The following PPP1R17 variants were observed in gnomAD, a reference collection of about 807,000 sequenced individuals.
PPP1R17 encodes the protein G-substrate.
A neutral mutation model predicts 15.9 loss-of-function variants in PPP1R17; 12 were observed. That is an observed-to-expected ratio of 0.75 (90% confidence interval 0.48 to 1.22). The LOEUF is 1.22. PPP1R17 is among the 50% of genes most tolerant of loss of function. The probability of loss-of-function intolerance (pLI) is 0.00; values close to 1 mark genes in which losing one functional copy is unlikely to be tolerated. For synonymous variants in PPP1R17, 63 were observed against 64.5 expected (o/e 0.98, Z 0.11); for missense variants, 211 against 187.3 (o/e 1.13, Z -0.74).
intron 4 of PPP1R17, among the ~76,000 whole-genome samples, chr7:31,703,680 G>C (rs1169669294): frequency 6.6e-6 from 1 of 152,178 alleles, no homozygotes; most frequent in Non-Finnish European, 1.5e-5. Context: ...ATGTTCAGAA[G>C]GACTCACATT....
chr7:31,702,378 T>C (rs926858324), intron 4 of PPP1R17, among the ~76,000 whole-genome samples: 8 of 152,110 alleles, frequency 5.3e-5, no homozygotes, highest in Non-Finnish European at 1.2e-4. Context: ...CGGGGGAGGC[T>C]CTGAACTTCC....
intron 4 of PPP1R17, among the ~76,000 whole-genome samples, chr7:31,698,791 A>C (rs1792722095): frequency 6.6e-6 from 1 of 152,226 alleles, no homozygotes; most frequent in Non-Finnish European, 1.5e-5. Flanking sequence ...TTGCTTCTTT[A>C]GATTTCCAAG....
chr7:31,695,739 C>G (rs1792551655), intron 3 of PPP1R17, 118 bp downstream of exon 3: 1 of 983,228 alleles, frequency 1.0e-6, no homozygotes, highest in East Asian at 2.5e-5. Flanking sequence ...GTGCACTCCC[C>G]ACCTCTGTAT....
chr7:31,694,413 C>G (rs1350204985), intron 2 of PPP1R17, among the ~76,000 whole-genome samples: 3 of 151,826 alleles, frequency 2.0e-5, no homozygotes, highest in African/African-American at 4.8e-5. Flanking sequence ...CACACACACA[C>G]ACAGATTTAA....
At chr7:31,696,885 T>C (rs1792606338) in intron 3 of PPP1R17, 80 bp from the exon 4 acceptor site, 1 of 1,460,654 alleles carries the variant, frequency 6.8e-7, no homozygotes, top group Non-Finnish European at 9.3e-7. Context: ...TCACCAGATG[T>C]CTATAAATAT....
At chr7:31,706,520 T>G (rs1200276690) in intron 4 of PPP1R17, among the ~76,000 whole-genome samples, 1 of 152,182 alleles carries the variant, frequency 6.6e-6, no homozygotes, top group African/African-American at 2.4e-5. Flanking sequence ...TCAGTACACT[T>G]TCCTTATTTT....
intron 4 of PPP1R17, among the ~76,000 whole-genome samples, chr7:31,703,400 CA>C (rs1792934556): frequency 6.6e-6 from 1 of 152,052 alleles, no homozygotes; most frequent in Non-Finnish European, 1.5e-5. Flanking sequence ...CCTATTGAAT[CA>C]AAAATGTTTA....
At chr7:31,704,038 T>C (rs138483736) in intron 4 of PPP1R17, among the ~76,000 whole-genome samples, 223 of 152,272 alleles carry the variant, frequency 1.5e-3, no homozygotes, top group Middle Eastern at 3.4e-3. Context: ...AGAAGTCTTA[T>C]TAGAGGTTTG....
At chr7:31,703,570 A>C (rs1792943332) in intron 4 of PPP1R17, among the ~76,000 whole-genome samples, 1 of 152,236 alleles carries the variant, frequency 6.6e-6, no homozygotes, top group African/African-American at 2.4e-5. Flanking sequence ...TCATTACCAT[A>C]TTAGCTGAAG....
chr7:31,693,121 C>A (rs1268101765), intron 2 of PPP1R17, among the ~76,000 whole-genome samples: 1 of 152,140 alleles, frequency 6.6e-6, no homozygotes, highest in Non-Finnish European at 1.5e-5. Flanking sequence ...CTATGCCTCA[C>A]GTGGTTATGA....
chr7:31,702,203 A>ATTTTTTT (rs1464104354), intron 4 of PPP1R17, among the ~76,000 whole-genome samples: 46 of 125,346 alleles, frequency 3.7e-4, no homozygotes, highest in African/African-American at 1.4e-3. Context: ...TTTCACCCTT[A>ATTTTTTT]TTTATTTTTT....
At chr7:31,707,170 G>T (rs547669880) in intron 4 of PPP1R17, 34 bp from the exon 5 acceptor site, 3 of 1,583,356 alleles carry the variant, frequency 1.9e-6, no homozygotes, top group East Asian at 4.5e-5. Flanking sequence ...TTAATTAGAG[G>T]TACTTAATTG....
chr7:31,706,919 A>G (rs957868598), intron 4 of PPP1R17, among the ~76,000 whole-genome samples: 3 of 152,228 alleles, frequency 2.0e-5, no homozygotes, highest in Non-Finnish European at 2.9e-5. Flanking sequence ...CCATCCCGCC[A>G]TGCTGCAAGC....
chr7:31,692,664 A>T, intron 2 of PPP1R17, 141 bp downstream of exon 2: 1 of 703,064 alleles, frequency 1.4e-6, no homozygotes, highest in East Asian at 2.7e-5. Context: ...CCAACACCAG[A>T]TGGGCAGGCA....
chr7:31,697,616 C>T (rs1792653063), intron 4 of PPP1R17, among the ~76,000 whole-genome samples: 1 of 151,926 alleles, frequency 6.6e-6, no homozygotes, highest in African/African-American at 2.4e-5. Flanking sequence ...AAAGGAGCTG[C>T]TCTGTGAGAT....
At chr7:31,697,487 G>A (rs1389146830) in intron 4 of PPP1R17, among the ~76,000 whole-genome samples, 1 of 152,188 alleles carries the variant, frequency 6.6e-6, no homozygotes, top group East Asian at 1.9e-4. Flanking sequence ...TGGACTAATT[G>A]GCCAAATCCT....
chr7:31,698,667 A>G (rs566444672), intron 4 of PPP1R17, among the ~76,000 whole-genome samples: 1 of 152,346 alleles, frequency 6.6e-6, no homozygotes, highest in South Asian at 2.1e-4. Context: ...GTTCTAGGCA[A>G]TGGTACAGGA....
chr7:31,703,000 C>T (rs747946295), intron 4 of PPP1R17, among the ~76,000 whole-genome samples: 1 of 152,078 alleles, frequency 6.6e-6, no homozygotes, highest in African/African-American at 2.4e-5. Flanking sequence ...TAGGTTTCAT[C>T]CCTGGTTCTG....
chr7:31,696,999 T>C lies in PPP1R17; in HGVS notation c.270T>C (p.Asp90=). 13 of 1,614,120 alleles carry C rather than the reference T, an allele frequency of 8.1e-6. No individual in the cohort carries two copies. The highest frequency in any genetic ancestry group is 1.0e-5 in the Non-Finnish European group (12 of 1,179,996). Residue 90 remains aspartate, a synonymous_variant, in exon 4 of 5, where the codon GAT becomes GAC. Coordinates refer to ENST00000342032, the MANE Select transcript of PPP1R17 (RefSeq NM_006658.5). ...VFSEHLIKRY[D]VQERHPKGKM... ...CAGAACATTTAATTAAAAGATACGA[T>C]GTTCAAGAGAGACATCCAAAGGGCA...
Sources: gnomAD v4.1 joint callset for allele counts (sites outside exome capture counted in the v4.1 genomes callset) on GRCh38, gnomAD v4.1.1 for gene constraint, MANE v1.5 for transcripts, NCBI Gene and HGNC (gene_info 2026-07-23, HGNC 2026-07-21) for gene names.